ZNF816: variants seen among roughly 807,000 people sequenced by gnomAD.
ZNF816 encodes zinc finger protein 816A.
In ZNF816, 11 loss-of-function variants were observed where a neutral mutation model predicts 8.3. The observed-to-expected ratio is 1.32, with a 90% CI of 0.83 to 2.19. The LOEUF (loss-of-function observed/expected upper bound fraction) is 2.19. Among genes scored for constraint, ZNF816 ranks in the 30% most tolerant of loss-of-function variants. The pLI is 0.00. For missense variants in ZNF816, 710 were observed against 779.3 expected, an observed-to-expected ratio of 0.91 and a Z score of 1.06; for synonymous variants, 255 against 254.5, an observed-to-expected ratio of 1.00 and a Z score of -0.02.
chr19:52,962,614 AG>A (rs2083567241), intron 1 of ZNF816, 112 bp downstream of exon 1: 1 of 152,232 alleles, frequency 6.6e-6, no homozygotes, highest in African/African-American at 2.4e-5. Context: ...GGTTTTGCTA[AG>A]GAAAGTTTCG....
chr19:52,953,073 C>T (rs759085333), intron 2 of ZNF816, among the ~76,000 whole-genome samples, 196 bp from the exon 3 acceptor site: 2 of 151,762 alleles, frequency 1.3e-5, no homozygotes, highest in Non-Finnish European at 2.9e-5. Flanking sequence ...TTTAAAATCC[C>T]CTAAGTCACT....
At chr19:52,960,605 A>G (rs2083547802) in intron 1 of ZNF816, among the ~76,000 whole-genome samples, 1 of 152,226 alleles carries the variant, frequency 6.6e-6, no homozygotes, top group African/African-American at 2.4e-5. Flanking sequence ...ATTTCAGCCC[A>G]GGTAAATGAG....
chr19:52,950,029 T>C lies in ZNF816; in HGVS notation c.1746A>G (p.Gln582=), dbSNP rs1405902685. ...KVFNQKGILA[Q]HQRVHTGEKP... ...TCTCTCCAGTATGAACTCTCTGATG[T>C]TGTGCAAGGATTCCTTTTTGATTAA... is the stretch of plus-strand genomic sequence containing the variant. The change falls in exon 4 of 4, where the codon CAA becomes CAG. Residue 582 remains glutamine (Q), a synonymous_variant. Transcript: ENST00000444460. The C allele has an allele frequency of 3.1e-6, 5 of 1,613,576 alleles. No homozygotes were observed. Among genetic ancestry groups the C allele is most frequent in the Non-Finnish European group, 2.5e-6 (3 of 1,179,856 alleles).
chr19:52,951,611 T>C lies in ZNF816; in HGVS notation c.191-27A>G, dbSNP rs2083461456. ...TAAAAAATATAAAGACCAATAGGTTTCCAATTAAGTACAGATGGTAAATAA... is the reference window on the plus strand; with the variant it reads ...TAAAAAATATAAAGACCAATAGGTTCCCAATTAAGTACAGATGGTAAATAA... On this transcript the variant is annotated intron_variant, in intron 3 of 3. Transcript: ENST00000444460. The C allele has an allele frequency of 2.7e-6, 4 of 1,503,186 alleles. No homozygotes were observed. The African/African-American group carries it at 4.2e-5, about 16-fold the overall frequency. 93.1% of individuals were successfully genotyped at this position (1,503,186 alleles called of 1,614,324 possible).
chr19:52,958,886 C>T (rs575476139), intron 1 of ZNF816, among the ~76,000 whole-genome samples: 1 of 152,202 alleles, frequency 6.6e-6, no homozygotes, highest in South Asian at 2.1e-4. Context: ...GGACCAGGAA[C>T]CTTTTGAACG....
At chr19:52,955,117 T>C (rs574059299) in intron 2 of ZNF816, among the ~76,000 whole-genome samples, 3 of 152,284 alleles carry the variant, frequency 2.0e-5, no homozygotes, top group Admixed American at 2.0e-4. Flanking sequence ...AGTTGTGCTC[T>C]TATGTCAGAG....
At chr19:52,953,968 G>A (rs2083487726) in intron 2 of ZNF816, among the ~76,000 whole-genome samples, 1 of 146,988 alleles carries the variant, frequency 6.8e-6, no homozygotes, top group South Asian at 2.1e-4. Flanking sequence ...CTGAACTCTG[G>A]AAGCAGGGGT....
At position 52,952,543 on chromosome 19, in the gene ZNF816, G is replaced by A. The variant is rs142991655; in HGVS notation, c.190+208C>T. Reference sequence around the variant, plus strand: ...TTCAATTGTATTAGTCAAAGTGTTCGTGAATTTTCTGTTTTTATGTAAAAC... The same window carrying A: ...TTCAATTGTATTAGTCAAAGTGTTCATGAATTTTCTGTTTTTATGTAAAAC... On this transcript the variant is annotated intron_variant, in intron 3 of 3. Coordinates refer to ENST00000444460, the MANE Select transcript of ZNF816 (RefSeq NM_001202457.3). The A allele has an allele frequency of 2.3e-4, 200 of 866,602 alleles. No homozygotes were observed. The African/African-American group carries it at 2.7e-3, about 12-fold the overall frequency. 53.7% of individuals were successfully genotyped at this position (866,602 alleles called of 1,614,324 possible).
intron 1 of ZNF816, among the ~76,000 whole-genome samples, chr19:52,956,846 A>G (rs188415982): frequency 3.3e-5 from 5 of 152,338 alleles, no homozygotes; most frequent in East Asian, 1.9e-4. Context: ...AAATAGCCAG[A>G]CGACCTTGGT....
At chr19:52,960,942 A>G (rs924087264) in intron 1 of ZNF816, among the ~76,000 whole-genome samples, 1 of 152,250 alleles carries the variant, frequency 6.6e-6, no homozygotes, top group African/African-American at 2.4e-5. Flanking sequence ...GAGGAAGCTC[A>G]TCGTGGGACT....
At position 52,957,912 on chromosome 19, in the gene ZNF816, A is replaced by G. The variant is rs1170613044; in HGVS notation, c.-15-1808T>C. Among the ~76,000 whole-genome samples the G allele has an allele frequency of 6.6e-6, 1 of 152,108 alleles. No homozygotes were observed. Among genetic ancestry groups the G allele is most frequent in the African/African-American group, 2.4e-5 (1 of 41,422 alleles). Reference sequence around the variant, plus strand: ...GCCCTTACAGTCCCCCAGGAAGAGGAATGGAGACTTCTTTTAACTGAGCCA... The same window carrying G: ...GCCCTTACAGTCCCCCAGGAAGAGGGATGGAGACTTCTTTTAACTGAGCCA... On this transcript the variant is annotated intron_variant, in intron 1 of 3. Coordinates refer to ENST00000444460, the MANE Select transcript of ZNF816 (RefSeq NM_001202457.3). The surrounding 1 kb of genome is among the most constrained non-coding windows in gnomAD (Gnocchi z 4.6).
intron 1 of ZNF816, among the ~76,000 whole-genome samples, chr19:52,960,656 C>T (rs1282007243): frequency 6.6e-6 from 1 of 152,192 alleles, no homozygotes; most frequent in Non-Finnish European, 1.5e-5. Flanking sequence ...CACTCTTTCT[C>T]CCCGGGTGAT....
At chr19:52,952,709 A>G (rs1427077266) in intron 3 of ZNF816, 42 bp downstream of exon 3, 9 of 1,609,774 alleles carry the variant, frequency 5.6e-6, no homozygotes, top group Admixed American at 1.7e-5. Context: ...GCCAAGATAG[A>G]CAAGTGCAGA....
Position 52,951,333 on chromosome 19 carries a change from C to T in ZNF816, c.442G>A (p.Gly148Arg), listed in dbSNP as rs2083457882. ...AGCTGATCTTTAATAGGCTTGTTTC[C>T]AGCATGCCTGTGATCACTTCGGTCT... The part of the protein sequence containing the change: ...STDRSDHRHA[G>R]NKPIKDQLGL... Residue 148 changes from glycine to arginine, a missense_variant, in exon 4 of 4, where the codon GGA becomes AGA. Coordinates refer to ENST00000444460, the MANE Select transcript of ZNF816 (RefSeq NM_001202457.3). 3 of 1,614,158 alleles carry T rather than the reference C, an allele frequency of 1.9e-6. No individual in the cohort carries two copies. Among genetic ancestry groups the T allele is most frequent in the Admixed American group, 3.3e-5 (2 of 60,030 alleles).
chr19:52,957,054 A>T lies in ZNF816; in HGVS notation c.-15-950T>A, dbSNP rs565905840. Among the ~76,000 whole-genome samples the T allele has an allele frequency of 1.3e-5, 2 of 152,182 alleles. No homozygotes were observed. The highest frequency in any genetic ancestry group is 1.5e-5 in the Non-Finnish European group (1 of 68,046). On this transcript the variant is annotated intron_variant, in intron 1 of 3. Transcript: ENST00000444460. This position sits in a 1 kb window ranked among gnomAD's most constrained non-coding sequence, Gnocchi z 4.6. The stretch of plus-strand genomic sequence containing the variant: ...CATGACCCTTTCACGTGGATGCCTT[A>T]GAGCTGTAAGCCCTTAAAAGGGCCA...
At chr19:52,952,571 C>T in intron 3 of ZNF816, 180 bp downstream of exon 3, 1 of 1,209,284 alleles carries the variant, frequency 8.3e-7, no homozygotes, top group Non-Finnish European at 1.1e-6. Context: ...TGTAAAACCA[C>T]TCCAAAGAAG....
Position 52,950,334 on chromosome 19 carries a change from A to T in ZNF816, c.1441T>A (p.Tyr481Asn). Residue 481 changes from tyrosine (Y) to asparagine (N), a missense_variant, in exon 4 of 4, where the codon TAC (tyrosine) becomes AAC (asparagine). Coordinates refer to ENST00000444460, the MANE Select transcript of ZNF816 (RefSeq NM_001202457.3). ...ACCTTGCCACATTCATTACATGTGT[A>T]AGGTTTCTCTCCAGTGTGAAGTGTA... is the stretch of plus-strand genomic sequence containing the variant. Reference protein sequence around the residue: ...HHTLHTGEKPYTCNECGKVFS... With the variant: ...HHTLHTGEKPNTCNECGKVFS... 6.2e-7 allele frequency: 1 copy of T among 1,613,982 alleles called. No homozygotes were observed.
intron 2 of ZNF816, among the ~76,000 whole-genome samples, chr19:52,953,110 A>G (rs75954872): frequency 0.025 from 3,834 of 152,030 alleles, 149 homozygotes; most frequent in African/African-American, 0.087. Context: ...TATGGACAAT[A>G]TAAGGCCAGG....
intron 2 of ZNF816, among the ~76,000 whole-genome samples, 181 bp from the exon 3 acceptor site, chr19:52,953,058 T>C (rs979295479): frequency 6.6e-6 from 1 of 152,162 alleles, no homozygotes; most frequent in Admixed American, 6.6e-5. Flanking sequence ...TTTTTCATGA[T>C]AGCTTTTAAA....
Sources: gnomAD v4.1 joint callset for allele counts (sites outside exome capture counted in the v4.1 genomes callset) on GRCh38, gnomAD v4.1.1 for gene constraint, Gnocchi (gnomAD v3.1) non-coding constraint, MANE v1.5 for transcripts, NCBI Gene and HGNC (gene_info 2026-07-23, HGNC 2026-07-21) for gene names.